The following BRCA2 variants were observed in gnomAD, a reference collection of about 807,000 sequenced individuals.
The protein encoded by BRCA2 is breast cancer type 2 susceptibility protein.
BRCA2 carries 203 observed loss-of-function variants against 276.7 expected under a neutral mutation model. The ratio of observed to expected loss-of-function variants is 0.73; its 90% CI spans 0.65 to 0.82. BRCA2 has a LOEUF of 0.82. Among genes scored for constraint, BRCA2 ranks in the 40% least tolerant of loss-of-function variants. BRCA2 has a pLI of 0.00. For missense variants in BRCA2, 3,920 were observed against 3,915.0 expected, an observed-to-expected ratio of 1.00 and a Z score of -0.03; for synonymous variants, 1,289 against 1,338.4, an observed-to-expected ratio of 0.96 and a Z score of 0.81.
Position 32,356,414 on chromosome 13 carries a change from T to G in BRCA2, c.7436-14T>G, listed in dbSNP as rs81002814. On this transcript the variant is annotated splice_polypyrimidine_tract_variant and intron_variant, in intron 14 of 26. Coordinates refer to ENST00000380152, the MANE Select transcript of BRCA2 (RefSeq NM_000059.4). ...TTTCAATTTTATTTTTGCTAAGTAT[T>G]TATTCTTTGATAGATTTAATTACAA... The G allele has an allele frequency of 1.2e-5, 20 of 1,609,560 alleles. No homozygotes were observed. The highest frequency in any genetic ancestry group is 1.7e-5 in the Non-Finnish European group (20 of 1,176,034).
In BRCA2 at chr13:32,340,262, C is replaced by A. The variant is rs786201413; in HGVS notation, c.5907C>A (p.Val1969=). ...KCSIGKLHKS[V]SSANTCGIFS... ...GTATAGGGAAGCTTCATAAGTCAGT[C>A]TCATCTGCAAATACTTGTGGGATTT... The change falls in exon 11 of 27, where the codon GTC becomes GTA. Residue 1969 remains valine (V), a synonymous_variant. Coordinates refer to ENST00000380152, the MANE Select transcript of BRCA2 (RefSeq NM_000059.4). 6.2e-7 allele frequency: 1 copy of A among 1,613,936 alleles called. No individual in the cohort carries two copies. Among genetic ancestry groups the A allele is most frequent in the Non-Finnish European group, 8.5e-7 (1 of 1,179,890 alleles).
intron 16 of BRCA2, among the ~76,000 whole-genome samples, chr13:32,358,337 G>A (rs530945177): frequency 1.3e-5 from 2 of 151,562 alleles, no homozygotes; most frequent in East Asian, 2.0e-4. Flanking sequence ...CTATCTGGGC[G>A]TGGTGGCAGG....
chr13:32,396,384 A>G (rs1321986121), intron 25 of BRCA2, among the ~76,000 whole-genome samples: 3 of 152,230 alleles, frequency 2.0e-5, no homozygotes. Flanking sequence ...AGGTTAAACC[A>G]TATGAAATTG....
chr13:32,377,500 G>A (rs1423786000), intron 21 of BRCA2, among the ~76,000 whole-genome samples: 1 of 150,060 alleles, frequency 6.7e-6, no homozygotes, highest in Non-Finnish European at 1.5e-5. Context: ...TCAGGCAGGA[G>A]AATCGCTTGA....
chr13:32,339,287 AAAAG>A lies in BRCA2; in HGVS notation c.4936_4939del (p.Glu1646GlnfsTer23), dbSNP rs80359473. ...AAGTTAAAGTACATGAAAATGTAGA[AAAAG>A]AAACAGCAAAAAGTCCTGCAACTTG... On this transcript the variant is annotated frameshift_variant, in exon 11 of 27. Coordinates refer to ENST00000380152, the MANE Select transcript of BRCA2 (RefSeq NM_000059.4). LOFTEE classifies it high-confidence loss of function. 3 of 1,606,906 alleles carry A rather than the reference AAAAG, an allele frequency of 1.9e-6. No homozygotes were observed. Among genetic ancestry groups the A allele is most frequent in the Admixed American group, 3.4e-5 (2 of 58,376 alleles).
At chr13:32,343,207 TTG>T (rs978500021) in intron 11 of BRCA2, among the ~76,000 whole-genome samples, 3 of 152,194 alleles carry the variant, frequency 2.0e-5, no homozygotes, top group African/African-American at 7.2e-5. Flanking sequence ...TTTTGTTTTT[TTG>T]TGTGTGTTTT....
At chr13:32,345,411 TC>T in intron 12 of BRCA2, among the ~76,000 whole-genome samples, 1 of 152,212 alleles carries the variant, frequency 6.6e-6, no homozygotes, top group Non-Finnish European at 1.5e-5. Flanking sequence ...CAGCTTGGAT[TC>T]CCTAAAATGG....
chr13:32,363,893 G>A (rs2072763752), intron 18 of BRCA2, among the ~76,000 whole-genome samples: 1 of 152,108 alleles, frequency 6.6e-6, no homozygotes, highest in Non-Finnish European at 1.5e-5. Context: ...ATATGTAATA[G>A]ATACACTTTT....
Position 32,333,270 on chromosome 13 carries a change from A to C in BRCA2, c.1792A>C (p.Thr598Pro). The C allele has an allele frequency of 6.2e-7, 1 of 1,607,614 alleles. No homozygotes were observed. Among genetic ancestry groups the C allele is most frequent in the South Asian group, 1.1e-5 (1 of 89,342 alleles). ...NKFIYAIHDE[T>P]SYKGKKIPKD... The stretch of plus-strand genomic sequence containing the variant: ...GTTTATTTATGCTATACATGATGAA[A>C]CATCTTATAAAGGAAAAAAAATACC... Residue 598 changes from threonine (T) to proline (P), a missense_variant, in exon 10 of 27, where the codon ACA becomes CCA. Physicochemically the swap from Thr to Pro is conservative, Grantham distance 38. Around this residue, in one of 2 missense-constraint regions of BRCA2, gnomAD observed 3,263 missense variants for 3,156.9 expected, o/e 1.03. Transcript: ENST00000380152.
intron 24 of BRCA2, chr13:32,384,952 TG>T: frequency 5.5e-6 from 2 of 363,728 alleles, no homozygotes; most frequent in Non-Finnish European, 5.2e-6. Context: ...CCTGGTAACC[TG>T]GGGCAACTTT....
chr13:32,382,972 G>A (rs984529733), intron 24 of BRCA2, among the ~76,000 whole-genome samples: 5 of 152,202 alleles, frequency 3.3e-5, no homozygotes, highest in Admixed American at 2.6e-4. Context: ...ACCAATGGAA[G>A]AGTTGATATA....
chr13:32,389,770 T>C (rs1307998301), intron 24 of BRCA2, among the ~76,000 whole-genome samples: 1 of 152,196 alleles, frequency 6.6e-6, no homozygotes, highest in Non-Finnish European at 1.5e-5. Flanking sequence ...TACTGGGAAT[T>C]AGTCACAATG....
intron 10 of BRCA2, among the ~76,000 whole-genome samples, chr13:32,335,524 G>A (rs1250656627): frequency 3.3e-5 from 5 of 151,952 alleles, no homozygotes; most frequent in Non-Finnish European, 5.9e-5. Context: ...TTTAAAAATT[G>A]TGGTTTTGTT....
rs1171793287 is a variant in BRCA2 at position 32,375,353 on chromosome 13, C to G, written c.8633-1317C>G. On this transcript the variant is annotated intron_variant, in intron 20 of 26. Coordinates refer to ENST00000380152, the MANE Select transcript of BRCA2 (RefSeq NM_000059.4). Reference sequence around the variant, plus strand: ...TCACCATATATGCAGTTACTTCCTCCACTGAAGTCTTGAACCCCCCAAAGT... The same window carrying G: ...TCACCATATATGCAGTTACTTCCTCGACTGAAGTCTTGAACCCCCCAAAGT... 4.4e-5 allele frequency: 20 copies of G among 451,048 alleles called. No individual in the cohort carries two copies. In the Admixed American group the frequency reaches 4.5e-4, roughly 10 times the overall value. The allele number at this position is 451,048 out of a possible 1,614,324, so 27.9% of individuals were successfully genotyped here.
In BRCA2 at chr13:32,326,591, C is replaced by T. The variant is rs1057520247; in HGVS notation, c.609C>T (p.Thr203=). ...CAAGTTCTTTAGCTACACCACCCAC[C>T]CTTAGTTCTACTGTGCTCATAGGTA... ...SWSSSLATPP[T]LSSTVLIVRN... is the part of the protein sequence containing the mutation. Residue 203 remains threonine (T), a synonymous_variant, in exon 7 of 27, where the codon ACC becomes ACT. Coordinates refer to ENST00000380152, the MANE Select transcript of BRCA2 (RefSeq NM_000059.4). The T allele has an allele frequency of 1.2e-5, 20 of 1,608,670 alleles. No individual in the cohort carries two copies. The highest frequency in any genetic ancestry group is 1.7e-5 in the Non-Finnish European group (20 of 1,175,138).
rs574344803 is a variant in BRCA2 at position 32,373,714 on chromosome 13, T to G, written c.8632+2614T>G. Among the ~76,000 whole-genome samples, 815 of 152,256 alleles carry G rather than the reference T, an allele frequency of 5.4e-3. 3 individuals are homozygous for G. The highest frequency in any genetic ancestry group is 8.4e-3 in the Non-Finnish European group (569 of 68,012). ...AGCCCCTGCAGCTGCTTTCATGGGCTGCCATTGAGTGACAGCTGCACAGTG... is the reference window on the plus strand; with the variant it reads ...AGCCCCTGCAGCTGCTTTCATGGGCGGCCATTGAGTGACAGCTGCACAGTG... On this transcript the variant is annotated intron_variant, in intron 20 of 26. Transcript: ENST00000380152.
At chr13:32,349,446 C>G (rs574945117) in intron 13 of BRCA2, among the ~76,000 whole-genome samples, 105 of 152,148 alleles carry the variant, frequency 6.9e-4, no homozygotes, top group Non-Finnish European at 1.3e-3. Flanking sequence ...ACTCAGGTCT[C>G]AAAAGACTAG....
intron 13 of BRCA2, among the ~76,000 whole-genome samples, chr13:32,351,911 C>T (rs1378161333): frequency 6.6e-6 from 1 of 152,136 alleles, no homozygotes; most frequent in Non-Finnish European, 1.5e-5. Flanking sequence ...AAGCGACTCT[C>T]CTGCTTCAGC....
rs431825287 is a variant in BRCA2 at position 32,333,258 on chromosome 13, A to C, written c.1780A>C (p.Ile594Leu). ...KKKTNKFIYA[I>L]HDETSYKGKK... ...GAAAACAAATAAGTTTATTTATGCT[A>C]TACATGATGAAACATCTTATAAAGG... The change falls in exon 10 of 27, where the codon ATA (isoleucine) becomes CTA (leucine). Residue 594 changes from isoleucine (I) to leucine (L), a missense_variant. Ile to Leu is a conservative substitution (Grantham distance 5). Around this residue, in one of 2 missense-constraint regions of BRCA2, gnomAD observed 3,263 missense variants for 3,156.9 expected, o/e 1.03. Transcript: ENST00000380152. 3.7e-6 allele frequency: 6 copies of C among 1,610,032 alleles called. No homozygotes were observed. The highest frequency in any genetic ancestry group is 2.2e-5 in the South Asian group (2 of 90,116).
Sources: gnomAD v4.1 joint callset for allele counts (sites outside exome capture counted in the v4.1 genomes callset) on GRCh38, gnomAD v4.1.1 for gene constraint, gnomAD v4.1.1 regional missense constraint, MANE v1.5 for transcripts, NCBI Gene and HGNC (gene_info 2026-07-23, HGNC 2026-07-21) for gene names.